Variants in DNAAF4 observed in about 807,000 individuals in gnomAD.
DNAAF4 encodes dynein assembly factor 4, axonemal.
In DNAAF4, 43 loss-of-function variants were observed where a neutral mutation model predicts 51.8. The observed-to-expected ratio is 0.83, with a 90% CI of 0.65 to 1.07. DNAAF4 has a LOEUF of 1.07. Among genes scored for constraint, DNAAF4 ranks in the 50% least tolerant of loss-of-function variants. The pLI is 0.00. For synonymous variants in DNAAF4, 194 were observed against 165.6 expected (o/e 1.17, Z -1.32); for missense variants, 581 against 493.0 (o/e 1.18, Z -1.69).
At chr15:55,464,167 A>G (rs1029904150) in intron 5 of DNAAF4, among the ~76,000 whole-genome samples, 1 of 152,176 alleles carries the variant, frequency 6.6e-6, no homozygotes, top group African/African-American at 2.4e-5. Flanking sequence ...ACAGCCAACC[A>G]ATCTTTGACA....
chr15:55,496,386 AT>A (rs1260318685), intron 3 of DNAAF4, among the ~76,000 whole-genome samples: 2 of 152,202 alleles, frequency 1.3e-5, no homozygotes, highest in African/African-American at 2.4e-5. Flanking sequence ...TGATTCAAAT[AT>A]GTAGCCAGGG....
intron 4 of DNAAF4, among the ~76,000 whole-genome samples, chr15:55,490,666 A>G (rs1441737570): frequency 6.6e-6 from 1 of 152,120 alleles, no homozygotes; most frequent in Non-Finnish European, 1.5e-5. Flanking sequence ...TTCAAGAACA[A>G]ACATGGGCCG....
chr15:55,496,857 G>A (rs1327257664), intron 3 of DNAAF4, among the ~76,000 whole-genome samples: 1 of 152,040 alleles, frequency 6.6e-6, no homozygotes, highest in Non-Finnish European at 1.5e-5. Context: ...AGCAAATGCA[G>A]GGAGAGGTTT....
downstream of DNAAF4, among the ~76,000 whole-genome samples, chr15:55,427,008 G>A (rs1345826145): frequency 6.6e-6 from 1 of 152,196 alleles, no homozygotes; most frequent in South Asian, 2.1e-4. Flanking sequence ...AATTGCAACA[G>A]AGAAAGAGTA....
At chr15:55,432,436 T>C (rs1263169820) in intron 9 of DNAAF4, 61 bp downstream of exon 9, 1 of 1,365,104 alleles carries the variant, frequency 7.3e-7, no homozygotes, top group Non-Finnish European at 1.0e-6. Flanking sequence ...CTTAAATAAT[T>C]CCAATGACAT....
Position 55,450,124 on chromosome 15 carries a change from A to G in DNAAF4, c.783+98T>C, listed in dbSNP as rs1399159137. 4 of 1,299,398 alleles carry G rather than the reference A, an allele frequency of 3.1e-6. No homozygotes were observed. The African/African-American group carries it at 4.5e-5, about 15-fold the overall frequency. 80.5% of individuals were successfully genotyped at this position (1,299,398 alleles called of 1,614,324 possible). ...TGACGTTATTTCTTTAGTGTAATAAATACTTAAGAAATTCAGAACCAGTAC... is the reference window on the plus strand; with the variant it reads ...TGACGTTATTTCTTTAGTGTAATAAGTACTTAAGAAATTCAGAACCAGTAC... On this transcript the variant is annotated intron_variant, in intron 6 of 9. Transcript: ENST00000321149.
At chr15:55,452,244 T>TAA (rs57692277) in intron 5 of DNAAF4, among the ~76,000 whole-genome samples, 1,439 of 53,554 alleles carry the variant, frequency 0.027, 38 homozygotes, top group East Asian at 0.032. Flanking sequence ...CATGTCTCAC[T>TAA]AAAAAAAAAA....
At chr15:55,443,369 G>C (rs377224792) in intron 6 of DNAAF4, 21 of 708,544 alleles carry the variant, frequency 3.0e-5, no homozygotes, top group Non-Finnish European at 4.5e-5. Context: ...GCTCAGGGCC[G>C]TGCAGGCCGT....
rs757076922 is a variant in DNAAF4, at chr15:55,442,584, T to C, written c.784-3003A>G. 6.5e-6 allele frequency: 8 copies of C among 1,238,994 alleles called. No homozygotes were observed. In the South Asian group the frequency reaches 9.6e-5, roughly 15 times the overall value. The allele number at this position is 1,238,994 out of a possible 1,614,324, so 76.8% of individuals were successfully genotyped here. ...GGGAGCAGAGTATTCGGGGGACAAC[T>C]GCTTCTTCTGGAGGGGAGAGAATGA... On this transcript the variant is annotated intron_variant, in intron 6 of 9. Transcript: ENST00000321149.
At chr15:55,470,613 C>T (rs548734365) in intron 4 of DNAAF4, among the ~76,000 whole-genome samples, 2 of 151,066 alleles carry the variant, frequency 1.3e-5, no homozygotes, top group Non-Finnish European at 2.9e-5. Flanking sequence ...GCAATCATGG[C>T]TCACTGCAGC....
chr15:55,489,557 C>T (rs2058540722), intron 4 of DNAAF4, among the ~76,000 whole-genome samples: 2 of 151,712 alleles, frequency 1.3e-5, no homozygotes, highest in South Asian at 4.2e-4. Context: ...CATCTGTAGT[C>T]CCAGCTACTC....
chr15:55,476,127 G>A (rs1350997800), intron 4 of DNAAF4, among the ~76,000 whole-genome samples: 2 of 152,030 alleles, frequency 1.3e-5, no homozygotes, highest in African/African-American at 4.8e-5. Context: ...GAAAACTGAG[G>A]GAGTATGTTG....
At position 55,498,139 on chromosome 15, in the gene DNAAF4, C is replaced by G. The variant is rs559253075; in HGVS notation, c.123+68G>C. The G allele has an allele frequency of 1.4e-4, 224 of 1,608,542 alleles. 1 individual carries two copies. In the East Asian group the frequency reaches 4.5e-3, roughly 33 times the overall value. Reference sequence around the variant, plus strand: ...CAAAGATGAGCCTGTTGCTCGTGCCCAGCTGCGCTCTTGCAGAAGCTTCGG... The same window carrying G: ...CAAAGATGAGCCTGTTGCTCGTGCCGAGCTGCGCTCTTGCAGAAGCTTCGG... On this transcript the variant is annotated intron_variant, in intron 2 of 9. Transcript: ENST00000321149.
chr15:55,477,666 A>G (rs2058354524), intron 4 of DNAAF4, among the ~76,000 whole-genome samples: 1 of 151,880 alleles, frequency 6.6e-6, no homozygotes, highest in African/African-American at 2.4e-5. Flanking sequence ...GTGTGTATAT[A>G]TATATATACA....
At chr15:55,487,485 G>T (rs568967382) in intron 4 of DNAAF4, among the ~76,000 whole-genome samples, 1 of 152,142 alleles carries the variant, frequency 6.6e-6, no homozygotes, top group South Asian at 2.1e-4. Flanking sequence ...AGCCAGCAGC[G>T]GCAACTGGCT....
At chr15:55,499,386 TAA>T (rs2058680999) in intron 1 of DNAAF4, among the ~76,000 whole-genome samples, 1 of 152,188 alleles carries the variant, frequency 6.6e-6, no homozygotes, top group Admixed American at 6.5e-5. Flanking sequence ...TTCATTTGTA[TAA>T]ACGAACCTGA....
intron 8 of DNAAF4, among the ~76,000 whole-genome samples, chr15:55,432,947 CT>C (rs1314870120): frequency 6.6e-6 from 1 of 150,640 alleles, no homozygotes; most frequent in Non-Finnish European, 1.5e-5. Context: ...GAGAATCCGT[CT>C]CAAAAAAAAC....
chr15:55,433,002 T>G (rs1251429471), intron 8 of DNAAF4, among the ~76,000 whole-genome samples: 1 of 140,076 alleles, frequency 7.1e-6, no homozygotes, highest in Non-Finnish European at 1.6e-5. Context: ...AAAATTCTAA[T>G]TTTAAAATAA....
intron 5 of DNAAF4, among the ~76,000 whole-genome samples, chr15:55,452,467 T>A (rs554637897): frequency 1.3e-4 from 19 of 151,968 alleles, no homozygotes; most frequent in Admixed American, 2.6e-4. Flanking sequence ...TAAAAAATAT[T>A]ACAGTGACCA....
Sources: gnomAD v4.1 joint callset for allele counts (sites outside exome capture counted in the v4.1 genomes callset) on GRCh38, gnomAD v4.1.1 for gene constraint, MANE v1.5 for transcripts, NCBI Gene and HGNC (gene_info 2026-07-23, HGNC 2026-07-21) for gene names.